The following KCNJ6 variants were observed in gnomAD, a reference collection of about 807,000 sequenced individuals.
KCNJ6 encodes potassium inwardly rectifying channel subfamily J member 6, also known as G protein-activated inward rectifier potassium channel 2.
In KCNJ6, 9 loss-of-function variants were observed where a neutral mutation model predicts 34.2. The observed-to-expected ratio is 0.26, with a 90% CI of 0.16 to 0.46. KCNJ6 has a LOEUF of 0.46. Among genes scored for constraint, KCNJ6 ranks in the 20% least tolerant of loss-of-function variants. The pLI is 1.00. For missense variants in KCNJ6, 236 were observed against 531.3 expected (o/e 0.44, Z 5.46); for synonymous variants, 196 against 207.1 (o/e 0.95, Z 0.46).
intron 3 of KCNJ6, among the ~76,000 whole-genome samples, chr21:37,682,713 CA>C (rs777805786): frequency 3.9e-5 from 6 of 152,206 alleles, no homozygotes; most frequent in Non-Finnish European, 8.8e-5. Flanking sequence ...AGGATGTGGA[CA>C]TATCTTTTTA....
At chr21:37,815,646 G>A (rs574903763) in intron 2 of KCNJ6, among the ~76,000 whole-genome samples, 1 of 152,302 alleles carries the variant, frequency 6.6e-6, no homozygotes, top group South Asian at 2.1e-4. Flanking sequence ...AGTCCACTTG[G>A]CCTTAGACAA....
At chr21:37,676,296 G>A (rs540257811) in intron 3 of KCNJ6, among the ~76,000 whole-genome samples, 5 of 152,338 alleles carry the variant, frequency 3.3e-5, no homozygotes, top group East Asian at 3.9e-4. Context: ...TGTGAGTCCC[G>A]TGACCTCCAG....
chr21:37,756,062 C>T (rs116794763), intron 2 of KCNJ6, among the ~76,000 whole-genome samples: 284 of 152,298 alleles, frequency 1.9e-3, no homozygotes, highest in Middle Eastern at 3.4e-3. Context: ...GATGGATGGA[C>T]GCTGACACAG....
At chr21:37,839,620 G>A (rs759409477) in intron 2 of KCNJ6, among the ~76,000 whole-genome samples, 2 of 152,218 alleles carry the variant, frequency 1.3e-5, no homozygotes, top group Middle Eastern at 3.4e-3. Context: ...AGAAGTGTTC[G>A]TAAGCCTCCA....
intron 3 of KCNJ6, among the ~76,000 whole-genome samples, chr21:37,669,391 TG>T (rs2054531667): frequency 6.6e-6 from 1 of 152,240 alleles, no homozygotes; most frequent in Non-Finnish European, 1.5e-5. Flanking sequence ...CATTCATATT[TG>T]GCTCAGAATA....
intron 1 of KCNJ6, among the ~76,000 whole-genome samples, chr21:37,898,133 A>C (rs1443390331): frequency 2.0e-5 from 3 of 152,214 alleles, no homozygotes; most frequent in Admixed American, 6.5e-5. Context: ...GATGGGGGCC[A>C]CCACACATGG....
chr21:37,835,317 G>A (rs568447621), intron 2 of KCNJ6, among the ~76,000 whole-genome samples: 3 of 152,272 alleles, frequency 2.0e-5, no homozygotes, highest in East Asian at 1.9e-4. Context: ...CTGCAGCCAG[G>A]AGAAGACATC....
At chr21:37,785,056 G>A (rs1269879211) in intron 2 of KCNJ6, among the ~76,000 whole-genome samples, 1 of 152,168 alleles carries the variant, frequency 6.6e-6, no homozygotes, top group Admixed American at 6.5e-5. Context: ...GCAGAGGAGG[G>A]ACCTCAGGTC....
intron 3 of KCNJ6, among the ~76,000 whole-genome samples, chr21:37,693,611 G>A (rs1055634956): frequency 6.6e-6 from 1 of 152,102 alleles, no homozygotes; most frequent in Non-Finnish European, 1.5e-5. Flanking sequence ...GGAGGGGTGG[G>A]GGGATACAAC....
chr21:37,881,038 C>T (rs1342703395), intron 1 of KCNJ6, among the ~76,000 whole-genome samples: 1 of 152,186 alleles, frequency 6.6e-6, no homozygotes, highest in Non-Finnish European at 1.5e-5. Flanking sequence ...GTCAAGACTG[C>T]CCATGACAAC....
chr21:37,801,591 G>A (rs186328079), intron 2 of KCNJ6, among the ~76,000 whole-genome samples: 7 of 152,294 alleles, frequency 4.6e-5, no homozygotes, highest in African/African-American at 7.2e-5. Context: ...AACGCTGAGC[G>A]AATATGTCTC....
Position 37,712,837 on chromosome 21 carries a change from C to T in KCNJ6, c.946+1374G>A, listed in dbSNP as rs79807138. Among the ~76,000 whole-genome samples the T allele has an allele frequency of 4.1e-3, 616 of 149,620 alleles. 15 individuals carry two copies. Among genetic ancestry groups the T allele is most frequent in the African/African-American group, 0.015 (590 of 39,954 alleles). Reference sequence around the variant, plus strand: ...CCACCCAACTATTGCCACACAAATGCACCCCCAAATCAGGCTCAAGGTACA... The same window carrying T: ...CCACCCAACTATTGCCACACAAATGTACCCCCAAATCAGGCTCAAGGTACA... On this transcript the variant is annotated intron_variant, in intron 3 of 3. Transcript: ENST00000609713.
chr21:37,659,823 T>C (rs962022659), intron 3 of KCNJ6, among the ~76,000 whole-genome samples: 1 of 152,256 alleles, frequency 6.6e-6, no homozygotes, highest in Admixed American at 6.5e-5. Context: ...CCCTCTCCAA[T>C]GAGCAGTGAT....
At chr21:37,718,226 G>A (rs1345148049) in intron 2 of KCNJ6, among the ~76,000 whole-genome samples, 1 of 152,198 alleles carries the variant, frequency 6.6e-6, no homozygotes, top group Non-Finnish European at 1.5e-5. Context: ...GAAGTCAAGA[G>A]GTGAAGGAGC....
chr21:37,892,560 G>A (rs1242558813), intron 1 of KCNJ6, among the ~76,000 whole-genome samples: 1 of 152,186 alleles, frequency 6.6e-6, no homozygotes, highest in Non-Finnish European at 1.5e-5. Flanking sequence ...TGAGAAGACA[G>A]GCTGCTCACT....
At chr21:37,808,979 C>T (rs1357789522) in intron 2 of KCNJ6, among the ~76,000 whole-genome samples, 4 of 152,198 alleles carry the variant, frequency 2.6e-5, no homozygotes, top group Admixed American at 2.0e-4. Flanking sequence ...CCTCAGGGAT[C>T]TGAGAAAACT....
chr21:37,797,571 A>G (rs374863201), intron 2 of KCNJ6, among the ~76,000 whole-genome samples: 7 of 152,120 alleles, frequency 4.6e-5, no homozygotes, highest in African/African-American at 1.7e-4. Context: ...CTGTTGACTC[A>G]CTACCAACTG....
intron 1 of KCNJ6, among the ~76,000 whole-genome samples, chr21:37,866,928 C>G (rs567625982): frequency 6.6e-6 from 1 of 152,318 alleles, no homozygotes; most frequent in Non-Finnish European, 1.5e-5. Context: ...CATTGCCATT[C>G]AGCTATTTTT....
intron 2 of KCNJ6, among the ~76,000 whole-genome samples, chr21:37,835,699 T>C (rs1371236265): frequency 6.6e-6 from 1 of 152,206 alleles, no homozygotes; most frequent in African/African-American, 2.4e-5. Flanking sequence ...TGCATGCCTG[T>C]CTTTAGACAA....
Sources: allele counts gnomAD v4.1 joint callset (sites outside exome capture counted in the v4.1 genomes callset), GRCh38; gene constraint gnomAD v4.1.1; transcripts MANE v1.5; gene names NCBI Gene and HGNC (gene_info 2026-07-23, HGNC 2026-07-21).